The following SLC24A3 variants were observed in gnomAD, a reference collection of about 807,000 sequenced individuals.
The protein encoded by SLC24A3 is solute carrier family 24 member 3, also known as sodium/potassium/calcium exchanger 3.
A neutral mutation model predicts 75.8 loss-of-function variants in SLC24A3; 28 were observed. The ratio of observed to expected loss-of-function variants is 0.37; its 90% CI spans 0.27 to 0.51. SLC24A3 has a LOEUF of 0.51. Among genes scored for constraint, SLC24A3 ranks in the 20% least tolerant of loss-of-function variants. The pLI is 0.94. For synonymous variants in SLC24A3, 372 were observed against 334.1 expected, an observed-to-expected ratio of 1.11 and a Z score of -1.24; for missense variants, 663 against 847.8, an observed-to-expected ratio of 0.78 and a Z score of 2.71.
chr20:19,512,946 G>C (rs1005434743), intron 2 of SLC24A3, among the ~76,000 whole-genome samples: 4 of 152,194 alleles, frequency 2.6e-5, no homozygotes, highest in African/African-American at 9.7e-5. Flanking sequence ...CATATGACTG[G>C]CTTGTTTCCC....
chr20:19,404,234 G>A (rs1986602715), intron 2 of SLC24A3, among the ~76,000 whole-genome samples: 1 of 152,190 alleles, frequency 6.6e-6, no homozygotes, highest in Non-Finnish European at 1.5e-5. Flanking sequence ...GAATATCTCG[G>A]TTAACAAAAC....
At chr20:19,305,053 T>G (rs550873423) in intron 2 of SLC24A3, among the ~76,000 whole-genome samples, 30 of 152,276 alleles carry the variant, frequency 2.0e-4, no homozygotes, top group African/African-American at 5.8e-4. Flanking sequence ...CGGCTCCCCA[T>G]GAAGGATCAA....
At chr20:19,468,777 G>A (rs1337695103) in intron 2 of SLC24A3, among the ~76,000 whole-genome samples, 1 of 152,176 alleles carries the variant, frequency 6.6e-6, no homozygotes, top group Non-Finnish European at 1.5e-5. Flanking sequence ...TGTATGTTGG[G>A]TTTAACCATG....
At chr20:19,392,259 C>T (rs908386190) in intron 2 of SLC24A3, among the ~76,000 whole-genome samples, 2 of 152,192 alleles carry the variant, frequency 1.3e-5, no homozygotes, top group African/African-American at 4.8e-5. Flanking sequence ...GCCCTCTGAT[C>T]ACCTGTGGGT....
chr20:19,487,898 T>C (rs1988151226), intron 2 of SLC24A3, among the ~76,000 whole-genome samples: 1 of 152,226 alleles, frequency 6.6e-6, no homozygotes, highest in South Asian at 2.1e-4. Context: ...CATTTTATTG[T>C]CAAAATTCCT....
At chr20:19,242,459 C>A (rs2073922262) in intron 1 of SLC24A3, 1 of 152,156 alleles carries the variant, frequency 6.6e-6, no homozygotes, top group Admixed American at 6.5e-5. Context: ...ACTCTTTTCC[C>A]AAGACTGTAC....
At chr20:19,687,906 C>T (rs75364900) in intron 12 of SLC24A3, among the ~76,000 whole-genome samples, 1 of 152,120 alleles carries the variant, frequency 6.6e-6, no homozygotes, top group Non-Finnish European at 1.5e-5. Flanking sequence ...TTCTGGGCTC[C>T]TGTGTATGAG....
At chr20:19,322,525 A>T (rs1180848293) in intron 2 of SLC24A3, among the ~76,000 whole-genome samples, 1 of 152,134 alleles carries the variant, frequency 6.6e-6, no homozygotes, top group East Asian at 1.9e-4. Context: ...ACATGGTCCT[A>T]ACAGAATTTC....
chr20:19,691,835 T>C (rs1055373101), intron 12 of SLC24A3, among the ~76,000 whole-genome samples: 3 of 152,186 alleles, frequency 2.0e-5, no homozygotes, highest in African/African-American at 7.2e-5. Context: ...GTGAGCTCGG[T>C]GCTGCTGTAT....
At chr20:19,551,496 C>T (rs186966188) in intron 3 of SLC24A3, among the ~76,000 whole-genome samples, 17 of 152,252 alleles carry the variant, frequency 1.1e-4, no homozygotes, top group African/African-American at 4.1e-4. Context: ...TCCCGCCTCC[C>T]CATCCCACAT....
intron 6 of SLC24A3, among the ~76,000 whole-genome samples, chr20:19,638,989 A>G (rs2032034883): frequency 6.6e-6 from 1 of 152,102 alleles, no homozygotes; most frequent in African/African-American, 2.4e-5. Flanking sequence ...CAAACCTTCC[A>G]CACTGTGGAA....
chr20:19,589,474 T>A (rs1424071460), intron 6 of SLC24A3, among the ~76,000 whole-genome samples: 1 of 152,004 alleles, frequency 6.6e-6, no homozygotes, highest in East Asian at 1.9e-4. Flanking sequence ...GGCAAAGAGA[T>A]CTAGGGGACA....
At chr20:19,448,351 G>A (rs762084754) in intron 2 of SLC24A3, among the ~76,000 whole-genome samples, 4 of 152,092 alleles carry the variant, frequency 2.6e-5, no homozygotes, top group Admixed American at 6.6e-5. Flanking sequence ...TTTTAATTCC[G>A]GTAACCAACT....
At chr20:19,601,472 C>T (rs142130619) in intron 6 of SLC24A3, among the ~76,000 whole-genome samples, 3 of 152,200 alleles carry the variant, frequency 2.0e-5, no homozygotes, top group African/African-American at 4.8e-5. Context: ...TATGTATCTG[C>T]GTCATCCCTC....
chr20:19,510,924 T>C (rs1410346496), intron 2 of SLC24A3, among the ~76,000 whole-genome samples: 1 of 152,112 alleles, frequency 6.6e-6, no homozygotes, highest in Admixed American at 6.5e-5. Flanking sequence ...TGTGACTCTT[T>C]CTAGGGCCTT....
intron 16 of SLC24A3, among the ~76,000 whole-genome samples, chr20:19,719,393 G>A (rs2033077766): frequency 6.6e-6 from 1 of 152,184 alleles, no homozygotes; most frequent in African/African-American, 2.4e-5. Context: ...TGGGGCATGT[G>A]CTAGAGGAGA....
chr20:19,467,913 C>A (rs1343881518), intron 2 of SLC24A3, among the ~76,000 whole-genome samples: 1 of 150,884 alleles, frequency 6.6e-6, no homozygotes, highest in Non-Finnish European at 1.5e-5. Flanking sequence ...TGATTCTTCA[C>A]CCTGCAGCAT....
intron 13 of SLC24A3, 145 bp downstream of exon 13, chr20:19,693,570 T>TGG: frequency 9.5e-7 from 1 of 1,053,814 alleles, no homozygotes; most frequent in Non-Finnish European, 1.3e-6. Context: ...AACTTAGTAG[T>TGG]TTAGAATTGC....
At chr20:19,308,702 T>A (rs762827764) in intron 2 of SLC24A3, among the ~76,000 whole-genome samples, 1 of 152,156 alleles carries the variant, frequency 6.6e-6, no homozygotes, top group Non-Finnish European at 1.5e-5. Context: ...CTAAACGGGG[T>A]TGCAGGAGGG....
Sources: gnomAD v4.1 joint callset for allele counts (sites outside exome capture counted in the v4.1 genomes callset) on GRCh38, gnomAD v4.1.1 for gene constraint, MANE v1.5 for transcripts, NCBI Gene and HGNC (gene_info 2026-07-23, HGNC 2026-07-21) for gene names.